Variants in KCNMA1 observed in about 807,000 individuals in gnomAD.
The protein encoded by KCNMA1 is Calcium-activated potassium channel subunit alpha-1.
A neutral mutation model predicts 140.0 loss-of-function variants in KCNMA1; 29 were observed. The ratio of observed to expected loss-of-function variants is 0.21; its 90% confidence interval spans 0.15 to 0.28. KCNMA1 has a LOEUF of 0.28. Among genes scored for constraint, KCNMA1 ranks in the 10% least tolerant of loss-of-function variants. The probability of loss-of-function intolerance (pLI) is 1.00; values close to 1 mark genes in which losing one functional copy is unlikely to be tolerated. For synonymous variants in KCNMA1, 612 were observed against 611.9 expected (o/e 1.00, Z 0.00); for missense variants, 880 against 1,602.2 (o/e 0.55, Z 7.70).
chr10:77,083,637 T>C (rs2153749590), intron 12 of KCNMA1, among the ~76,000 whole-genome samples: 1 of 151,798 alleles, frequency 6.6e-6, no homozygotes, highest in Non-Finnish European at 1.5e-5. Flanking sequence ...GAGATCAGCC[T>C]GGGCAACATA....
At chr10:77,000,900 A>ATATATATATATATATC (rs1412998914) in intron 19 of KCNMA1, among the ~76,000 whole-genome samples, 2 of 128,780 alleles carry the variant, frequency 1.6e-5, no homozygotes, top group African/African-American at 5.8e-5. Context: ...ATATATATAT[A>ATATATATATATATATC]TCCATCTGCA....
chr10:76,964,183 G>A (rs543233416), intron 20 of KCNMA1, among the ~76,000 whole-genome samples: 8 of 151,314 alleles, frequency 5.3e-5, no homozygotes, highest in Non-Finnish European at 1.2e-4. Context: ...GCCATCCCTG[G>A]AGCCACACTG....
intron 3 of KCNMA1, among the ~76,000 whole-genome samples, chr10:77,206,819 G>T (rs185355018): frequency 4.0e-5 from 6 of 151,132 alleles, no homozygotes; most frequent in African/African-American, 1.2e-4. Flanking sequence ...GGGAGGGAGG[G>T]GGGGGCGGGT....
At chr10:77,231,028 T>G (rs1342355561) in intron 3 of KCNMA1, among the ~76,000 whole-genome samples, 1 of 152,178 alleles carries the variant, frequency 6.6e-6, no homozygotes, top group Non-Finnish European at 1.5e-5. Flanking sequence ...GTAACTCAGA[T>G]TTTAACACAC....
At chr10:77,335,607 G>C (rs956389090) in intron 2 of KCNMA1, among the ~76,000 whole-genome samples, 1 of 152,172 alleles carries the variant, frequency 6.6e-6, no homozygotes, top group African/African-American at 2.4e-5. Flanking sequence ...CCTGAGAACT[G>C]CTGGGCTGGG....
At chr10:76,974,774 A>G (rs542074077) in intron 19 of KCNMA1, among the ~76,000 whole-genome samples, 1 of 152,104 alleles carries the variant, frequency 6.6e-6, no homozygotes, top group African/African-American at 2.4e-5. Context: ...TGTCATCTGT[A>G]TCAGTAGGGA....
At chr10:77,396,844 T>C (rs765967305) in intron 2 of KCNMA1, among the ~76,000 whole-genome samples, 9 of 152,126 alleles carry the variant, frequency 5.9e-5, no homozygotes, top group Non-Finnish European at 1.2e-4. Context: ...TGTAACAGCA[T>C]AGGAATATGG....
At chr10:77,617,451 G>T (rs1360524441) in intron 1 of KCNMA1, among the ~76,000 whole-genome samples, 1 of 152,194 alleles carries the variant, frequency 6.6e-6, no homozygotes, top group African/African-American at 2.4e-5. Flanking sequence ...CATGAAGCAG[G>T]GAGGCAGTTA....
intron 2 of KCNMA1, among the ~76,000 whole-genome samples, chr10:77,386,440 G>A (rs979095176): frequency 6.6e-6 from 1 of 152,178 alleles, no homozygotes; most frequent in South Asian, 2.1e-4. Flanking sequence ...AGTGAGTTAC[G>A]GCCCAAGAAT....
At chr10:77,049,797 T>G (rs2095287166) in intron 14 of KCNMA1, among the ~76,000 whole-genome samples, 5 of 152,198 alleles carry the variant, frequency 3.3e-5, no homozygotes, top group Admixed American at 3.3e-4. Context: ...TTCTGCACTG[T>G]TAGGATCTAC....
At chr10:77,475,823 T>C (rs994580297) in intron 1 of KCNMA1, among the ~76,000 whole-genome samples, 2 of 152,158 alleles carry the variant, frequency 1.3e-5, no homozygotes, top group Non-Finnish European at 2.9e-5. Context: ...ACAGATCTGA[T>C]TCCTTTGGAT....
intron 5 of KCNMA1, among the ~76,000 whole-genome samples, chr10:77,139,837 G>T (rs1871064): frequency 1.3e-5 from 2 of 151,888 alleles, no homozygotes; most frequent in South Asian, 4.2e-4. Context: ...AGACAGGCAA[G>T]ACCACGCTCC....
chr10:76,968,706 C>G (rs1321166780), intron 20 of KCNMA1, among the ~76,000 whole-genome samples: 2 of 152,136 alleles, frequency 1.3e-5, no homozygotes, highest in African/African-American at 2.4e-5. Flanking sequence ...GCAAATCAGC[C>G]AAACCCAAGG....
At chr10:77,235,057 G>A (rs981596408) in intron 3 of KCNMA1, among the ~76,000 whole-genome samples, 1 of 152,166 alleles carries the variant, frequency 6.6e-6, no homozygotes, top group Non-Finnish European at 1.5e-5. Context: ...TGCCTCCTAC[G>A]AGAAGATGAA....
chr10:77,363,488 C>T (rs2094138049), intron 2 of KCNMA1, among the ~76,000 whole-genome samples: 1 of 152,176 alleles, frequency 6.6e-6, no homozygotes, highest in South Asian at 2.1e-4. Context: ...GCATTTGCAC[C>T]CTTAGTAACC....
Position 77,044,029 on chromosome 10 carries a change from C to A in KCNMA1, c.1750-4392G>T, listed in dbSNP as rs79964027. ...TCACAATTAAAAAGATTTTTAAAAC[C>A]CTTATGTATAACATAAGAGCAGGAG... On this transcript the variant is annotated intron_variant, in intron 14 of 27. Transcript: ENST00000286628. Among the ~76,000 whole-genome samples the A allele has an allele frequency of 3.8e-3, 571 of 152,062 alleles. 14 individuals are homozygous for A. Among genetic ancestry groups the A allele is most frequent in the East Asian group, 0.028 (147 of 5,174 alleles).
intron 3 of KCNMA1, among the ~76,000 whole-genome samples, chr10:77,196,150 T>C (rs1384951663): frequency 6.6e-6 from 1 of 152,086 alleles, no homozygotes; most frequent in Non-Finnish European, 1.5e-5. Context: ...TTCCTATCAT[T>C]ATAAAAACAT....
In KCNMA1 at chr10:76,991,316, T is replaced by C. The variant is rs78926118; in HGVS notation, c.2266+10091A>G. On this transcript the variant is annotated intron_variant, in intron 19 of 27. Coordinates refer to ENST00000286628, the MANE Select transcript of KCNMA1 (RefSeq NM_001161352.2). ...ACCCTGCCACTCCTCATTGGAAGCA[T>C]TGGTGGATTTTTGCCTATGTGGTTT... Among the ~76,000 whole-genome samples, 397 of 152,350 alleles carry C rather than the reference T, an allele frequency of 2.6e-3. 3 individuals carry two copies. Among genetic ancestry groups the C allele is most frequent in the African/African-American group, 8.9e-3 (371 of 41,578 alleles).
chr10:77,330,614 G>A (rs376889955), intron 2 of KCNMA1, among the ~76,000 whole-genome samples: 7 of 152,190 alleles, frequency 4.6e-5, no homozygotes, highest in South Asian at 2.1e-4. Flanking sequence ...CAAAGCAGGC[G>A]GTTAGTGATC....
Sources: gnomAD v4.1 joint callset for allele counts (sites outside exome capture counted in the v4.1 genomes callset) on GRCh38, gnomAD v4.1.1 for gene constraint, MANE v1.5 for transcripts, NCBI Gene and HGNC (gene_info 2026-07-23, HGNC 2026-07-21) for gene names.